The following PDE1C variants were observed in gnomAD, a reference collection of about 807,000 sequenced individuals.
PDE1C encodes dual specificity calcium/calmodulin-dependent 3',5'-cyclic nucleotide phosphodiesterase 1C.
PDE1C carries 62 observed loss-of-function variants against 93.1 expected under a neutral mutation model. That is an observed-to-expected ratio of 0.67 (90% CI 0.54 to 0.82). The LOEUF (loss-of-function observed/expected upper bound fraction) is 0.82, where lower values mean the gene tolerates loss of function less well. Among genes scored for constraint, PDE1C ranks in the 40% least tolerant of loss-of-function variants. PDE1C has a pLI of 0.00. For synonymous variants in PDE1C, 325 were observed against 310.1 expected (o/e 1.05, Z -0.50); for missense variants, 742 against 884.6 (o/e 0.84, Z 2.04).
chr7:32,223,389 C>T (rs146345165), intron 1 of PDE1C, among the ~76,000 whole-genome samples: 1 of 152,290 alleles, frequency 6.6e-6, no homozygotes, highest in Non-Finnish European at 1.5e-5. Flanking sequence ...CCACTTTACT[C>T]ATGAGGCAAC....
chr7:31,919,031 T>C (rs1044976662), intron 2 of PDE1C, among the ~76,000 whole-genome samples: 8 of 152,194 alleles, frequency 5.3e-5, no homozygotes, highest in Non-Finnish European at 1.2e-4. Context: ...ATGCTATAAA[T>C]AAATCATATT....
At chr7:31,628,391 G>A in the PDE1C span, among the ~76,000 whole-genome samples, 1 of 152,062 alleles carries the variant, frequency 6.6e-6, no homozygotes, top group Admixed American at 6.6e-5. Flanking sequence ...GATGGAGCCA[G>A]GAATCCCACA....
chr7:31,963,573 T>C (rs1423388159), intron 2 of PDE1C, among the ~76,000 whole-genome samples: 2 of 152,234 alleles, frequency 1.3e-5, no homozygotes, highest in South Asian at 4.1e-4. Flanking sequence ...ATATTATTGC[T>C]TGTATATTTA....
chr7:31,866,038 A>G (rs1007567443), intron 6 of PDE1C, among the ~76,000 whole-genome samples: 1 of 152,086 alleles, frequency 6.6e-6, no homozygotes, highest in Non-Finnish European at 1.5e-5. Context: ...TTCCTTTTCT[A>G]TGTAACAGCG....
the PDE1C span, among the ~76,000 whole-genome samples, chr7:31,722,716 C>T: frequency 4.6e-5 from 7 of 152,102 alleles, no homozygotes; most frequent in East Asian, 3.9e-4. Context: ...AGGTGTTAAC[C>T]GCCTAGGAAG....
At chr7:31,963,882 G>A (rs1212749050) in intron 2 of PDE1C, among the ~76,000 whole-genome samples, 1 of 152,208 alleles carries the variant, frequency 6.6e-6, no homozygotes, top group Admixed American at 6.5e-5. Context: ...GGGAGTCAAT[G>A]TATGAAAATC....
At chr7:31,651,654 A>G in the PDE1C span, among the ~76,000 whole-genome samples, 2 of 152,172 alleles carry the variant, frequency 1.3e-5, no homozygotes, top group African/African-American at 4.8e-5. Flanking sequence ...TTGGGGAAAT[A>G]GAAGTGTTTT....
intron 2 of PDE1C, among the ~76,000 whole-genome samples, chr7:31,962,149 A>G (rs1421921246): frequency 6.6e-6 from 1 of 152,234 alleles, no homozygotes; most frequent in African/African-American, 2.4e-5. Context: ...ATGAAGAAAT[A>G]CTTTGTTCCC....
rs1247981223 is a variant in PDE1C, at chr7:32,084,756, G to A, written c.308+85029C>T. Among the ~76,000 whole-genome samples the A allele has an allele frequency of 1.0e-4, 13 of 125,566 alleles. 2 individuals are homozygous for A. The highest frequency in any genetic ancestry group is 4.6e-4 in the Admixed American group (6 of 12,912). 82.4% of individuals were successfully genotyped at this position (125,566 alleles called of 152,430 possible). Reference sequence around the variant, plus strand: ...ACAACCTGCTCCTGAATGACTACTGGGTACACAATGAAATGAAGGCAGAAA... The same window carrying A: ...ACAACCTGCTCCTGAATGACTACTGAGTACACAATGAAATGAAGGCAGAAA... On this transcript the variant is annotated intron_variant, in intron 3 of 18. Coordinates refer to the PDE1C transcript ENST00000396193.
chr7:31,676,944 C>A, the PDE1C span, among the ~76,000 whole-genome samples: 1 of 152,198 alleles, frequency 6.6e-6, no homozygotes, highest in Non-Finnish European at 1.5e-5. Context: ...ATGCTCCCAG[C>A]ATTCCATCCA....
chr7:32,341,599 T>G (rs1008686788), intron 1 of PDE1C, among the ~76,000 whole-genome samples: 2 of 152,100 alleles, frequency 1.3e-5, no homozygotes, highest in Admixed American at 6.5e-5. Flanking sequence ...GAACAGGAGC[T>G]AATTTGGGAA....
intron 2 of PDE1C, among the ~76,000 whole-genome samples, chr7:31,998,430 G>A (rs1227266979): frequency 6.6e-6 from 1 of 152,176 alleles, no homozygotes; most frequent in African/African-American, 2.4e-5. Context: ...TGACTCTATG[G>A]TAGGCCTCTG....
At chr7:32,034,725 G>T (rs1285874409) in intron 2 of PDE1C, among the ~76,000 whole-genome samples, 2 of 152,074 alleles carry the variant, frequency 1.3e-5, no homozygotes, top group East Asian at 3.9e-4. Flanking sequence ...AAATACAGAG[G>T]CAAGGTAGCA....
chr7:31,740,648 T>A, the PDE1C span, among the ~76,000 whole-genome samples: 1 of 152,192 alleles, frequency 6.6e-6, no homozygotes, highest in Non-Finnish European at 1.5e-5. Context: ...TATTTCCATA[T>A]CCTTATTTAT....
At chr7:31,697,128 T>C in the PDE1C span, 2 of 1,613,524 alleles carry the variant, frequency 1.2e-6, no homozygotes. Context: ...GTAAAAAAGC[T>C]GGTGCAGGGC....
chr7:32,120,223 G>A (rs1753994166), intron 3 of PDE1C, among the ~76,000 whole-genome samples: 1 of 152,164 alleles, frequency 6.6e-6, no homozygotes. Flanking sequence ...AGAGGCTCAG[G>A]GACAGAACCC....
chr7:32,006,841 C>T (rs1005385703), intron 2 of PDE1C, among the ~76,000 whole-genome samples: 44 of 152,270 alleles, frequency 2.9e-4, no homozygotes, highest in African/African-American at 9.4e-4. Flanking sequence ...CAAAGTGCTC[C>T]ATCTATGGAG....
At chr7:32,219,581 G>A (rs78512671) in intron 1 of PDE1C, among the ~76,000 whole-genome samples, 1,628 of 152,266 alleles carry the variant, frequency 0.011, 10 homozygotes, top group Non-Finnish European at 0.015. Context: ...AAGCACTGCC[G>A]CCTGACTTGG....
At chr7:32,079,558 CT>C (rs1404039304) in intron 3 of PDE1C, among the ~76,000 whole-genome samples, 1 of 152,244 alleles carries the variant, frequency 6.6e-6, no homozygotes, top group Non-Finnish European at 1.5e-5. Context: ...TGCCATGCAG[CT>C]GTAGCCAGAT....
Sources: allele counts gnomAD v4.1 joint callset (sites outside exome capture counted in the v4.1 genomes callset), GRCh38; gene constraint gnomAD v4.1.1; transcripts MANE v1.5; gene names NCBI Gene and HGNC (gene_info 2026-07-23, HGNC 2026-07-21).